KIAA1671: variants seen among roughly 807,000 people sequenced by gnomAD.
KIAA1671 encodes KIAA1671.
Under a neutral mutation model 131.2 loss-of-function variants are expected in KIAA1671, and 52 were observed. The observed-to-expected ratio is 0.40, with a 90% CI of 0.32 to 0.50. The LOEUF (loss-of-function observed/expected upper bound fraction) is 0.50. KIAA1671 is among the 20% of genes least tolerant of loss of function. KIAA1671 has a pLI of 0.73. For missense variants in KIAA1671, 2,360 were observed against 2,364.2 expected, an observed-to-expected ratio of 1.00 and a Z score of 0.04; for synonymous variants, 1,003 against 961.6, an observed-to-expected ratio of 1.04 and a Z score of -0.80.
chr22:25,090,862 T>C (rs942337016), intron 6 of KIAA1671, among the ~76,000 whole-genome samples: 4 of 152,224 alleles, frequency 2.6e-5, no homozygotes, highest in Admixed American at 2.0e-4. Context: ...CTATTCCTTA[T>C]TGGGAATTCC....
chr22:25,185,445 G>A (rs527560112), intron 11 of KIAA1671: 1 of 271,258 alleles, frequency 3.7e-6, no homozygotes, highest in East Asian at 7.0e-5. Flanking sequence ...GGAAACTGAG[G>A]CATTCTCCCT....
chr22:25,016,141 C>A (rs2123883337), intron 1 of KIAA1671, among the ~76,000 whole-genome samples: 1 of 152,228 alleles, frequency 6.6e-6, no homozygotes. Flanking sequence ...CTGCCTCAGC[C>A]TCCCAAGTAG....
In KIAA1671 at chr22:25,181,817, G is replaced by A. The variant is rs2146035755; in HGVS notation, c.5193G>A (p.Val1731=). 1 of 1,551,500 alleles carries A rather than the reference G, an allele frequency of 6.4e-7. No homozygotes were observed. Among genetic ancestry groups the A allele is most frequent in the Non-Finnish European group, 8.7e-7 (1 of 1,146,900 alleles). The change falls in exon 10 of 13, where the codon GTG becomes GTA. Residue 1731 remains valine, a synonymous_variant. Transcript: ENST00000358431. Reference sequence around the variant, plus strand: ...CGTTTCCAGGCATGGATCCGGCAGTGCTAAAGGTACCAGACCTCTCACCAA... The same window carrying A: ...CGTTTCCAGGCATGGATCCGGCAGTACTAAAGGTACCAGACCTCTCACCAA... ...MPAFPGMDPA[V]LKAQLHKRPE... is the part of the protein sequence containing the mutation.
At position 24,957,546 on chromosome 22, in the gene KIAA1671, C is replaced by T. The variant is rs139860820; in HGVS notation, c.-208+4774C>T. Reference sequence around the variant, plus strand: ...TATAGGAGTGTGAACCTAGATAAGCCATGTCCCCCCGGGACCTCAGTTTCT... The same window carrying T: ...TATAGGAGTGTGAACCTAGATAAGCTATGTCCCCCCGGGACCTCAGTTTCT... On this transcript the variant is annotated intron_variant, in intron 1 of 12. Transcript: ENST00000358431. 4.3e-3 allele frequency among the ~76,000 whole-genome samples: 662 copies of T among 152,210 alleles called. 4 individuals carry two copies. The highest frequency in any genetic ancestry group is 0.015 in the African/African-American group (634 of 41,520).
intron 9 of KIAA1671, among the ~76,000 whole-genome samples, chr22:25,179,006 G>A (rs1934155992): frequency 6.6e-6 from 1 of 152,044 alleles, no homozygotes; most frequent in Non-Finnish European, 1.5e-5. Context: ...CCACGCCACC[G>A]CCCTGGGTTT....
rs1191288146 is a variant in KIAA1671 at position 25,177,518 on chromosome 22, A to G, written c.5070A>G (p.Ser1690=). The part of the protein sequence containing the change: ...ETDNTWMFKD[S]TEEKSPRKEE... ...ACAACACGTGGATGTTCAAAGACTC[A>G]ACGGGTATGCCATGACTTCTCTCCT... The change falls in exon 9 of 13, where the codon TCA becomes TCG. Residue 1690 remains serine, a synonymous_variant. Coordinates refer to ENST00000358431, the MANE Select transcript of KIAA1671 (RefSeq NM_001145206.2). 1 of 1,550,460 alleles carries G rather than the reference A, an allele frequency of 6.4e-7. No individual in the cohort carries two copies. The highest frequency in any genetic ancestry group is 2.4e-5 in the East Asian group (1 of 40,880).
intron 6 of KIAA1671, among the ~76,000 whole-genome samples, chr22:25,166,675 A>C (rs1265673451): frequency 1.3e-5 from 2 of 152,188 alleles, no homozygotes; most frequent in African/African-American, 4.8e-5. Context: ...TTTATGTGCC[A>C]GGCAGTGAGC....
chr22:25,165,678 G>T (rs1016354754), intron 6 of KIAA1671, among the ~76,000 whole-genome samples: 1 of 152,202 alleles, frequency 6.6e-6, no homozygotes, highest in African/African-American at 2.4e-5. Flanking sequence ...GAGACCTGAG[G>T]TCTAGGGGAC....
At chr22:25,185,366 C>A in intron 11 of KIAA1671, 2 of 456,486 alleles carry the variant, frequency 4.4e-6, no homozygotes, top group Admixed American at 7.6e-5. Flanking sequence ...CTGCCACCTG[C>A]TACATGGAAC....
rs548974997 is a variant in KIAA1671 at position 25,196,494 on chromosome 22, G to C, written c.*4093G>C. 18 of 152,070 alleles carry C rather than the reference G, an allele frequency of 1.2e-4. No homozygotes were observed. The East Asian group carries it at 3.1e-3, about 26-fold the overall frequency. 9.4% of individuals were successfully genotyped at this position (152,070 alleles called of 1,614,324 possible). The stretch of plus-strand genomic sequence containing the variant: ...CTGTTGGCCAGGCTGGAATGCAGTG[G>C]CACAATCATAGCTCACTCCAGCCTC... On this transcript the variant is annotated 3_prime_UTR_variant, in exon 13 of 13. Transcript: ENST00000358431.
chr22:25,093,611 GTTA>G (rs1452960600), intron 6 of KIAA1671, among the ~76,000 whole-genome samples: 2 of 151,142 alleles, frequency 1.3e-5, no homozygotes, highest in African/African-American at 4.9e-5. Flanking sequence ...CGGGGAGGCA[GTTA>G]TTATTATACC....
chr22:25,133,748 A>G (rs946220799), intron 6 of KIAA1671, among the ~76,000 whole-genome samples: 8 of 152,104 alleles, frequency 5.3e-5, no homozygotes, highest in Non-Finnish European at 2.9e-5. Context: ...GGGTCTTGCT[A>G]TGTTGCCCAA....
intron 1 of KIAA1671, among the ~76,000 whole-genome samples, chr22:24,997,455 A>T (rs541847990): frequency 1.3e-5 from 2 of 152,182 alleles, no homozygotes; most frequent in East Asian, 3.8e-4. Flanking sequence ...AATTGCCGGT[A>T]TGAAAAACAA....
At chr22:25,170,399 C>T (rs1429859800) in intron 6 of KIAA1671, among the ~76,000 whole-genome samples, 3 of 152,152 alleles carry the variant, frequency 2.0e-5, no homozygotes, top group African/African-American at 7.2e-5. Context: ...TTGGGAAACA[C>T]GGTGGTGGTA....
intron 1 of KIAA1671, among the ~76,000 whole-genome samples, chr22:25,021,232 A>AT (rs1325325658): frequency 1.3e-5 from 2 of 151,702 alleles, no homozygotes; most frequent in Non-Finnish European, 2.9e-5. Flanking sequence ...TAATTTTTGT[A>AT]TTTTTTAGTA....
rs879721590 is a variant in KIAA1671 at position 25,193,447 on chromosome 22, A to C, written c.*1046A>C. ...CTGCTGGCATGGAGGAGTTGTTCCA[A>C]ACTGGCCTCAGAACAGATGCATGAA... is the stretch of plus-strand genomic sequence containing the variant. On this transcript the variant is annotated 3_prime_UTR_variant, in exon 13 of 13. Coordinates refer to ENST00000358431, the MANE Select transcript of KIAA1671 (RefSeq NM_001145206.2). The C allele has an allele frequency of 1.3e-5, 2 of 152,240 alleles. No individual in the cohort carries two copies. Among genetic ancestry groups the C allele is most frequent in the Non-Finnish European group, 2.9e-5 (2 of 68,064 alleles). 9.4% of individuals were successfully genotyped at this position (152,240 alleles called of 1,614,324 possible).
At position 25,093,824 on chromosome 22, in the gene KIAA1671, T is replaced by TTCTCTCTCTCTCTCTCTCTC. The variant is rs1568951523; in HGVS notation, c.4530+44469_4530+44470insCTCTCTCTCTCTCTCTCTCT. Among the ~76,000 whole-genome samples the TTCTCTCTCTCTCTCTCTCTC allele has an allele frequency of 4.6e-4, 10 of 21,922 alleles. 2 individuals carry two copies. The highest frequency in any genetic ancestry group is 1.9e-3 in the East Asian group (2 of 1,048). 14.4% of individuals were successfully genotyped at this position (21,922 alleles called of 152,430 possible). On this transcript the variant is annotated intron_variant, in intron 6 of 12. Coordinates refer to ENST00000358431, the MANE Select transcript of KIAA1671 (RefSeq NM_001145206.2). ...TCTCTCTCTCTCTGTCTCTCTCTCT[T>TTCTCTCTCTCTCTCTCTCTC]TCTCTCTCTGTCTGTCTCTCTCTCT...
chr22:25,093,766 CTG>C (rs1568951168), intron 6 of KIAA1671, among the ~76,000 whole-genome samples: 1,179 of 105,606 alleles, frequency 0.011, 37 homozygotes, highest in Admixed American at 0.014. Flanking sequence ...CTCTCTCTCT[CTG>C]TCTCTCTCTC....
chr22:25,152,666 G>A (rs1210509265), intron 6 of KIAA1671, among the ~76,000 whole-genome samples: 18 of 152,278 alleles, frequency 1.2e-4, no homozygotes, highest in East Asian at 1.9e-4. Flanking sequence ...GCAGTGGCGC[G>A]ATCTTGGCTA....
Sources: allele counts gnomAD v4.1 joint callset (sites outside exome capture counted in the v4.1 genomes callset), GRCh38; gene constraint gnomAD v4.1.1; transcripts MANE v1.5; gene names NCBI Gene and HGNC (gene_info 2026-07-23, HGNC 2026-07-21).